Variants in MACROD2 observed in about 807,000 individuals in gnomAD.
MACROD2 encodes the protein mono-ADP ribosylhydrolase 2, also known as ADP-ribose glycohydrolase MACROD2.
A neutral mutation model predicts 70.4 loss-of-function variants in MACROD2; 36 were observed. The observed-to-expected ratio is 0.51, with a 90% CI of 0.39 to 0.68. The LOEUF (loss-of-function observed/expected upper bound fraction) is 0.68. Ranked by LOEUF, MACROD2 falls within the 30% of genes least tolerant of loss-of-function variation. The probability of loss-of-function intolerance (pLI) is 0.00; values close to 1 mark genes in which losing one functional copy is unlikely to be tolerated. For synonymous variants in MACROD2, 172 were observed against 178.8 expected (o/e 0.96, Z 0.30); for missense variants, 496 against 538.4 (o/e 0.92, Z 0.78).
At chr20:14,686,471 A>G (rs1039628851) in intron 5 of MACROD2, among the ~76,000 whole-genome samples, 2 of 152,200 alleles carry the variant, frequency 1.3e-5, no homozygotes, top group African/African-American at 4.8e-5. Flanking sequence ...TGGCACACAA[A>G]GTTTTAGATT....
At chr20:14,091,355 T>C (rs1453951307) in intron 3 of MACROD2, among the ~76,000 whole-genome samples, 1 of 151,852 alleles carries the variant, frequency 6.6e-6, no homozygotes, top group East Asian at 1.9e-4. Flanking sequence ...AAATGGGGAG[T>C]TGTTGATCAA....
intron 3 of MACROD2, among the ~76,000 whole-genome samples, chr20:14,114,548 G>A (rs1054964401): frequency 6.6e-6 from 1 of 152,066 alleles, no homozygotes; most frequent in Non-Finnish European, 1.5e-5. Context: ...TAGGGATGAA[G>A]TGTTAGAGGA....
chr20:14,812,248 TA>T (rs878908294), intron 5 of MACROD2, among the ~76,000 whole-genome samples: 2 of 151,908 alleles, frequency 1.3e-5, no homozygotes, highest in African/African-American at 4.8e-5. Flanking sequence ...TATGCAGCCA[TA>T]AAAAAGAATG....
rs1245752162 is a variant in MACROD2 at position 14,013,634 on chromosome 20, G to A, written c.163+11230G>A. On this transcript the variant is annotated intron_variant, in intron 2 of 17. Transcript: ENST00000684519. ...CATCAATTTCATTGTGTATTGCAGT[G>A]TGTACCATTAAGTATTATGTAAATT... Among the ~76,000 whole-genome samples the A allele has an allele frequency of 2.8e-5, 4 of 143,616 alleles. 1 individual carries two copies. Among genetic ancestry groups the A allele is most frequent in the South Asian group, 4.4e-4 (2 of 4,500 alleles). 94.2% of individuals were successfully genotyped at this position (143,616 alleles called of 152,430 possible).
chr20:14,465,165 A>T (rs1306214183), intron 3 of MACROD2, among the ~76,000 whole-genome samples: 4 of 151,956 alleles, frequency 2.6e-5, no homozygotes, highest in Non-Finnish European at 4.4e-5. Flanking sequence ...AATGTGTGGG[A>T]GTCTAAGTCT....
intron 8 of MACROD2, among the ~76,000 whole-genome samples, chr20:15,628,535 A>T (rs1198107585): frequency 1.3e-5 from 2 of 152,250 alleles, no homozygotes; most frequent in Admixed American, 6.5e-5. Context: ...GCATTGGTAC[A>T]TAATAGACTA....
rs376109778 is a variant in MACROD2, at chr20:15,133,186, G to A, written c.419-96754G>A. On this transcript the variant is annotated intron_variant, in intron 5 of 17. Coordinates refer to ENST00000684519, the MANE Select transcript of MACROD2 (RefSeq NM_001351661.2). ...TAAGACTCAAAATTTATAAAGAAAA[G>A]ATCAATAAACTTCACAACATTAAAC... is the stretch of plus-strand genomic sequence containing the variant. Among the ~76,000 whole-genome samples, 26 of 152,106 alleles carry A rather than the reference G, an allele frequency of 1.7e-4. No homozygotes were observed. In the East Asian group the frequency reaches 4.1e-3, roughly 24 times the overall value.
chr20:15,973,827 A>G (rs1387492014), intron 13 of MACROD2, among the ~76,000 whole-genome samples: 1 of 152,238 alleles, frequency 6.6e-6, no homozygotes, highest in Admixed American at 6.5e-5. Context: ...TAGCAAAAAA[A>G]TCTCCAGTGA....
At chr20:15,636,337 T>C (rs2049369030) in intron 8 of MACROD2, among the ~76,000 whole-genome samples, 1 of 152,214 alleles carries the variant, frequency 6.6e-6, no homozygotes, top group Non-Finnish European at 1.5e-5. Context: ...CTGGAATAGC[T>C]GCATCATTGA....
At chr20:15,160,462 T>G (rs2076340699) in intron 5 of MACROD2, among the ~76,000 whole-genome samples, 2 of 152,164 alleles carry the variant, frequency 1.3e-5, no homozygotes, top group African/African-American at 2.4e-5. Flanking sequence ...ACACATTTTC[T>G]GAAGAAGTAC....
chr20:15,596,557 C>T (rs928758456), intron 8 of MACROD2, among the ~76,000 whole-genome samples: 34 of 152,160 alleles, frequency 2.2e-4, no homozygotes, highest in Non-Finnish European at 4.0e-4. Context: ...TTTAGGAAAT[C>T]CAGAATGCTC....
chr20:15,808,711 CAAAGT>C (rs2063791407), intron 8 of MACROD2, among the ~76,000 whole-genome samples: 2 of 152,088 alleles, frequency 1.3e-5, no homozygotes, highest in Non-Finnish European at 1.5e-5. Flanking sequence ...GATCTAGTCT[CAAAGT>C]AAATAATACT....
At chr20:14,131,928 G>A (rs1394767820) in intron 3 of MACROD2, among the ~76,000 whole-genome samples, 1 of 151,828 alleles carries the variant, frequency 6.6e-6, no homozygotes, top group African/African-American at 2.4e-5. Flanking sequence ...TCAGGAGATC[G>A]AGACCATCCT....
intron 6 of MACROD2, among the ~76,000 whole-genome samples, chr20:15,344,463 A>G (rs1305269748): frequency 6.6e-6 from 1 of 152,232 alleles, no homozygotes; most frequent in African/African-American, 2.4e-5. Context: ...TTGTTAAAAG[A>G]TGTTAAATAG....
chr20:14,346,862 A>G (rs1046034998), intron 3 of MACROD2, among the ~76,000 whole-genome samples: 2 of 152,188 alleles, frequency 1.3e-5, no homozygotes, highest in African/African-American at 2.4e-5. Context: ...TGTGCCTCAT[A>G]AGTCTGATCT....
intron 4 of MACROD2, among the ~76,000 whole-genome samples, chr20:14,644,574 A>G (rs56143931): frequency 0.073 from 11,165 of 152,104 alleles, 505 homozygotes; most frequent in Middle Eastern, 0.17. Context: ...ATTTGCCAAA[A>G]CTCTCTGGAT....
At chr20:14,475,238 A>C (rs1451967503) in intron 3 of MACROD2, among the ~76,000 whole-genome samples, 2 of 151,452 alleles carry the variant, frequency 1.3e-5, no homozygotes, top group East Asian at 1.9e-4. Context: ...CACACAAAAA[A>C]CCCCAGTATA....
At chr20:15,843,277 G>A (rs866450117) in intron 8 of MACROD2, among the ~76,000 whole-genome samples, 1 of 152,178 alleles carries the variant, frequency 6.6e-6, no homozygotes, top group East Asian at 1.9e-4. Flanking sequence ...GAAGGCAGGA[G>A]CTCATTCCTG....
intron 8 of MACROD2, among the ~76,000 whole-genome samples, chr20:15,654,283 C>T (rs932379573): frequency 6.6e-6 from 1 of 151,618 alleles, no homozygotes; most frequent in African/African-American, 2.4e-5. Context: ...CTGAGCTCCA[C>T]CTTTACCATA....
Sources: allele counts gnomAD v4.1 joint callset (sites outside exome capture counted in the v4.1 genomes callset), GRCh38; gene constraint gnomAD v4.1.1; transcripts MANE v1.5; gene names NCBI Gene and HGNC (gene_info 2026-07-23, HGNC 2026-07-21).